The following FAT4 variants were observed in gnomAD, a reference collection of about 807,000 sequenced individuals.
FAT4 encodes the protein FAT atypical cadherin 4, also known as protocadherin Fat 4.
FAT4 carries 84 observed loss-of-function variants against 303.9 expected under a neutral mutation model. The observed-to-expected ratio is 0.28, with a 90% confidence interval of 0.23 to 0.33. The LOEUF is 0.33. Ranked by LOEUF, FAT4 falls within the 10% of genes least tolerant of loss-of-function variation. The pLI is 1.00. For missense variants in FAT4, 6,005 were observed against 6,146.8 expected, an observed-to-expected ratio of 0.98 and a Z score of 0.77; for synonymous variants, 2,307 against 2,298.8, an observed-to-expected ratio of 1.00 and a Z score of -0.10.
chr4:125,425,266 A>C (rs1399989981), intron 7 of FAT4, among the ~76,000 whole-genome samples: 2 of 152,158 alleles, frequency 1.3e-5, no homozygotes. Flanking sequence ...TGTTATAAAA[A>C]CTAAACAACT....
rs150008077 is a variant in FAT4 at position 125,445,426 on chromosome 4, A to G, written c.7200-867A>G. The stretch of plus-strand genomic sequence containing the variant: ...CTGTAGAAACATGCAGCCAACTCCA[A>G]CAAGGGTATCTATTTGTTGGTATAA... On this transcript the variant is annotated intron_variant, in intron 8 of 17. Coordinates refer to ENST00000394329, the MANE Select transcript of FAT4 (RefSeq NM_001291303.3). Among the ~76,000 whole-genome samples, 239 of 152,230 alleles carry G rather than the reference A, an allele frequency of 1.6e-3. 2 individuals carry two copies. Among genetic ancestry groups the G allele is most frequent in the African/African-American group, 5.2e-3 (217 of 41,552 alleles).
At chr4:125,410,499 C>A (rs1734799251) in intron 5 of FAT4, among the ~76,000 whole-genome samples, 1 of 152,064 alleles carries the variant, frequency 6.6e-6, no homozygotes, top group Admixed American at 6.6e-5. Flanking sequence ...TCTACCTATT[C>A]CATAGATAAG....
chr4:125,431,971 G>A (rs1186712184), intron 7 of FAT4, among the ~76,000 whole-genome samples: 1 of 152,026 alleles, frequency 6.6e-6, no homozygotes, highest in Non-Finnish European at 1.5e-5. Context: ...CCAAACATTG[G>A]TACTCAACAA....
chr4:125,490,818 C>T lies in FAT4; in HGVS notation c.14002C>T (p.Pro4668Ser). 2 of 1,614,138 alleles carry T rather than the reference C, an allele frequency of 1.2e-6. No individual in the cohort carries two copies. Among genetic ancestry groups the T allele is most frequent in the Non-Finnish European group, 1.7e-6 (2 of 1,180,028 alleles). Reference protein sequence around the residue: ...PLGFARQSPMPLGASSLTYQP... With the variant: ...PLGFARQSPMSLGASSLTYQP... ...AGGCTTTGCAAGGCAATCCCCCATG[C>T]CCTTAGGAGCAAGCAGTTTGACTTA... Residue 4668 changes from proline (P) to serine (S), a missense_variant, in exon 18 of 18, where the codon CCC (proline) becomes TCC (serine). Physicochemically the swap from Pro to Ser is moderately conservative, Grantham distance 74. Coordinates refer to ENST00000394329, the MANE Select transcript of FAT4 (RefSeq NM_001291303.3).
rs996018721 is a variant in FAT4, at chr4:125,319,491, C to T, written c.3080C>T (p.Ala1027Val). The change falls in exon 2 of 18, where the codon GCA (alanine) becomes GTA (valine). Residue 1027 changes from alanine to valine, a missense_variant. Ala to Val is a moderately conservative substitution (Grantham distance 64). Coordinates refer to ENST00000394329, the MANE Select transcript of FAT4 (RefSeq NM_001291303.3). ...KVQASDKDSGANGEIAYTIAE... is the reference protein window; with the variant it reads ...KVQASDKDSGVNGEIAYTIAE... Reference sequence around the variant, plus strand: ...CAAGCTTCTGATAAGGATTCAGGAGCAAATGGTGAAATTGCATACACCATT... The same window carrying T: ...CAAGCTTCTGATAAGGATTCAGGAGTAAATGGTGAAATTGCATACACCATT... The T allele has an allele frequency of 6.2e-7, 1 of 1,613,698 alleles. No homozygotes were observed. The highest frequency in any genetic ancestry group is 8.5e-7 in the Non-Finnish European group (1 of 1,179,670).
intron 17 of FAT4, among the ~76,000 whole-genome samples, chr4:125,489,520 T>A (rs1727530059): frequency 6.6e-6 from 1 of 152,216 alleles, no homozygotes; most frequent in South Asian, 2.1e-4. Flanking sequence ...TCTTTACAAA[T>A]TTAAAAAATA....
chr4:125,322,631 G>A (rs1454160754), intron 2 of FAT4, among the ~76,000 whole-genome samples: 1 of 152,050 alleles, frequency 6.6e-6, no homozygotes, highest in African/African-American at 2.4e-5. Flanking sequence ...GACACAACAT[G>A]CAAGTGAAAT....
intron 2 of FAT4, among the ~76,000 whole-genome samples, chr4:125,372,033 A>C (rs1460649974): frequency 6.6e-6 from 1 of 152,102 alleles, no homozygotes; most frequent in African/African-American, 2.4e-5. Flanking sequence ...AATGGATGAC[A>C]GTAAATAAGT....
chr4:125,449,257 C>A lies in FAT4; in HGVS notation c.8247C>A (p.Asp2749Glu), dbSNP rs1725949849. 3 of 1,613,938 alleles carry A rather than the reference C, an allele frequency of 1.9e-6. No individual in the cohort carries two copies. The highest frequency in any genetic ancestry group is 2.5e-6 in the Non-Finnish European group (3 of 1,179,898). The change falls in exon 10 of 18, where the codon GAC (aspartate) becomes GAA (glutamate). Residue 2749 changes from aspartate to glutamate, a missense_variant. Asp to Glu is a conservative substitution (Grantham distance 45, BLOSUM62 2). Coordinates refer to ENST00000394329, the MANE Select transcript of FAT4 (RefSeq NM_001291303.3). Reference sequence around the variant, plus strand: ...ATGTCCTAACCATAAAATCATCAGACAAAGGGTCCCCGTCTCAGAGTACTT... The same window carrying A: ...ATGTCCTAACCATAAAATCATCAGAAAAAGGGTCCCCGTCTCAGAGTACTT... ...SHYVLTIKSSDKGSPSQSTSV... is the reference protein window; with the variant it reads ...SHYVLTIKSSEKGSPSQSTSV...
rs376511287 is a variant in FAT4 at position 125,449,781 on chromosome 4, C to G, written c.8771C>G (p.Ala2924Gly). 5.0e-6 allele frequency: 8 copies of G among 1,613,496 alleles called. No homozygotes were observed. The African/African-American group carries it at 1.1e-4, about 22-fold the overall frequency. The change falls in exon 10 of 18, where the codon GCC becomes GGC. Residue 2924 changes from alanine (A) to glycine (G), a missense_variant. Transcript: ENST00000394329. ...CAATCAGAATATTTCAGGATTAATG[C>G]CACCACTGGAGAGATTTTCAATAAA... ...KSQSEYFRIN[A>G]TTGEIFNKQI...
intron 11 of FAT4, among the ~76,000 whole-genome samples, chr4:125,466,766 A>T (rs922052222): frequency 6.0e-5 from 9 of 150,338 alleles, no homozygotes; most frequent in Non-Finnish European, 1.0e-4. Context: ...ATTAAAAATT[A>T]TGTATAATTT....
chr4:125,346,584 G>A (rs565128615), intron 2 of FAT4, among the ~76,000 whole-genome samples: 5 of 151,926 alleles, frequency 3.3e-5, no homozygotes, highest in East Asian at 1.9e-4. Flanking sequence ...AATCATGCAC[G>A]GTGAACCCAC....
At position 125,490,201 on chromosome 4, in the gene FAT4, G is replaced by T; in HGVS notation, c.13385G>T (p.Arg4462Met). The T allele has an allele frequency of 6.2e-7, 1 of 1,614,144 alleles. No homozygotes were observed. Among genetic ancestry groups the T allele is most frequent in the South Asian group, 1.1e-5 (1 of 91,082 alleles). Residue 4462 changes from arginine to methionine, a missense_variant, in exon 18 of 18, where the codon AGG (arginine) becomes ATG (methionine). Arg to Met is a moderately conservative substitution (Grantham distance 91, BLOSUM62 -1). Transcript: ENST00000394329. ...TCSCPDSHTGRTCEMVVACLG... is the reference protein window; with the variant it reads ...TCSCPDSHTGMTCEMVVACLG... ...AGCTGCCCAGACTCGCACACGGGAA[G>T]GACCTGTGAGATGGTGGTGGCCTGT...
chr4:125,366,665 G>C (rs1732898232), intron 2 of FAT4, among the ~76,000 whole-genome samples: 2 of 152,162 alleles, frequency 1.3e-5, no homozygotes, highest in South Asian at 4.1e-4. Context: ...GGTCTTGGAA[G>C]AATTGCCACA....
intron 12 of FAT4, among the ~76,000 whole-genome samples, chr4:125,471,351 C>A (rs1442770239): frequency 1.3e-5 from 2 of 152,140 alleles, no homozygotes; most frequent in African/African-American, 2.4e-5. Context: ...TTGCTGGATG[C>A]AGGATTACCA....
intron 10 of FAT4, among the ~76,000 whole-genome samples, chr4:125,455,290 G>T (rs753289415): frequency 6.6e-6 from 1 of 152,164 alleles, no homozygotes. Context: ...ACCATTTGCT[G>T]ATTTTAGCAT....
In FAT4 at chr4:125,451,072, T is replaced by C; in HGVS notation, c.10062T>C (p.Thr3354=). ...RKKGFQINKK[T]GQIYVSGILD... ...AGGGTTTCCAGATCAATAAGAAGAC[T>C]GGACAGATTTATGTTTCTGGAATTC... The change falls in exon 10 of 18, where the codon ACT becomes ACC. Residue 3354 remains threonine, a synonymous_variant. Transcript: ENST00000394329. 1 of 1,614,128 alleles carries C rather than the reference T, an allele frequency of 6.2e-7. No homozygotes were observed. Among genetic ancestry groups the C allele is most frequent in the Non-Finnish European group, 8.5e-7 (1 of 1,180,018 alleles).
chr4:125,446,442 G>T lies in FAT4; in HGVS notation c.7349G>T (p.Ser2450Ile), dbSNP rs1725832672. ...GCGGGATCCCCAGAGCCTCTTTCCA[G>T]TTCCACCAGTGTGCTTGTCACTGTG... is the stretch of plus-strand genomic sequence containing the variant. ...SDAGSPEPLS[S>I]STSVLVTVTD... The change falls in exon 9 of 18, where the codon AGT becomes ATT. Residue 2450 changes from serine to isoleucine, a missense_variant. Physicochemically the swap from Ser to Ile is moderately radical, Grantham distance 142 (BLOSUM62 -2). Transcript: ENST00000394329. The T allele has an allele frequency of 1.9e-6, 3 of 1,613,478 alleles. No homozygotes were observed. Among genetic ancestry groups the T allele is most frequent in the Non-Finnish European group, 2.5e-6 (3 of 1,179,580 alleles).
At chr4:125,453,896 A>G (rs4834043) in intron 10 of FAT4, among the ~76,000 whole-genome samples, 151,236 of 152,274 alleles carry the variant, frequency 0.99, 75,110 homozygotes, top group Middle Eastern at 1. Context: ...CCATATATAC[A>G]TAGATCTCTA....
Sources: allele counts gnomAD v4.1 joint callset (sites outside exome capture counted in the v4.1 genomes callset), GRCh38; gene constraint gnomAD v4.1.1; transcripts MANE v1.5; gene names NCBI Gene and HGNC (gene_info 2026-07-23, HGNC 2026-07-21).